The following RRP36 variants were observed in gnomAD, a reference collection of about 807,000 sequenced individuals.
RRP36 encodes the protein ribosomal RNA processing protein 36 homolog.
A neutral mutation model predicts 39.8 loss-of-function variants in RRP36; 44 were observed. The observed-to-expected ratio is 1.10, with a 90% CI of 0.87 to 1.42. The LOEUF (loss-of-function observed/expected upper bound fraction) is 1.42, where lower values mean the gene tolerates loss of function less well. RRP36 is among the 40% of genes most tolerant of loss of function. The probability of loss-of-function intolerance (pLI) is 0.00; values close to 1 mark genes in which losing one functional copy is unlikely to be tolerated. For missense variants in RRP36, 316 were observed against 322.4 expected (o/e 0.98, Z 0.15); for synonymous variants, 124 against 123.1 (o/e 1.01, Z -0.05).
chr6:43,025,237 T>C, intron 2 of RRP36, 26 bp from the exon 3 acceptor site: 1 of 1,614,032 alleles, frequency 6.2e-7, no homozygotes, highest in Non-Finnish European at 8.5e-7. Context: ...GGAGTCCTCT[T>C]GACTTGGCTT....
intron 4 of RRP36, 46 bp from the exon 5 acceptor site, chr6:43,027,132 A>G (rs778560319): frequency 1.2e-5 from 18 of 1,555,724 alleles, no homozygotes; most frequent in Non-Finnish European, 1.5e-5. Flanking sequence ...AATTTCAGCT[A>G]ACATTTGCAG....
At chr6:43,026,528 C>G (rs1367522920) in intron 4 of RRP36, among the ~76,000 whole-genome samples, 2 of 150,988 alleles carry the variant, frequency 1.3e-5, no homozygotes, top group African/African-American at 2.4e-5. Flanking sequence ...GAAAAATTAG[C>G]CAAGTGTGGT....
intron 4 of RRP36, 77 bp from the exon 5 acceptor site, chr6:43,027,101 T>C (rs761728779): frequency 7.5e-7 from 1 of 1,329,624 alleles, no homozygotes; most frequent in South Asian, 1.2e-5. Context: ...TGTGAACTTC[T>C]TAGGATAATG....
intron 6 of RRP36, 23 bp from the exon 7 acceptor site, chr6:43,029,069 C>G (rs761576044): frequency 1.9e-6 from 3 of 1,613,010 alleles, no homozygotes; most frequent in South Asian, 2.2e-5. Context: ...TGTTCACCAA[C>G]TTTCATTCTC....
intron 4 of RRP36, 69 bp from the exon 5 acceptor site, chr6:43,027,109 A>C: frequency 7.2e-7 from 1 of 1,396,116 alleles, no homozygotes; most frequent in South Asian, 1.2e-5. Flanking sequence ...TCTTAGGATA[A>C]TGCTTTACAT....
At position 43,021,624 on chromosome 6, in the gene RRP36, C is replaced by T. The variant is rs533536697; in HGVS notation, c.-31C>T. On this transcript the variant is annotated 5_prime_UTR_variant, in exon 1 of 7. Transcript: ENST00000244496. ...GGGGCTGCCGTGAGCGGAAGCGGCGCCATTCGTCTTCCGAGCGCTACTGCC... is the reference window on the plus strand; with the variant it reads ...GGGGCTGCCGTGAGCGGAAGCGGCGTCATTCGTCTTCCGAGCGCTACTGCC... 2 of 1,283,492 alleles carry T rather than the reference C, an allele frequency of 1.6e-6. No homozygotes were observed. The highest frequency in any genetic ancestry group is 2.9e-5 in the East Asian group (1 of 34,696). The allele number at this position is 1,283,492 out of a possible 1,614,324, so 79.5% of individuals were successfully genotyped here.
chr6:43,025,212 C>G, intron 2 of RRP36, 51 bp from the exon 3 acceptor site: 3 of 1,612,408 alleles, frequency 1.9e-6, no homozygotes, highest in Non-Finnish European at 2.5e-6. Flanking sequence ...AGGTGGGAAG[C>G]CTTTGACCAA....
chr6:43,027,296 G>T lies in RRP36; in HGVS notation c.525+44G>T, dbSNP rs377497823. ...TGGTGGGTAATGAAAGCAATTAAAGGTGGGAGATATTCACAGATCTGAACA... is the reference window on the plus strand; with the variant it reads ...TGGTGGGTAATGAAAGCAATTAAAGTTGGGAGATATTCACAGATCTGAACA... On this transcript the variant is annotated intron_variant, in intron 5 of 6. Transcript: ENST00000244496. The T allele has an allele frequency of 6.1e-5, 98 of 1,611,300 alleles. 1 individual carries two copies. Among genetic ancestry groups the T allele is most frequent in the Non-Finnish European group, 7.6e-5 (89 of 1,177,554 alleles).
At position 43,021,733 on chromosome 6, in the gene RRP36, G is replaced by T; in HGVS notation, c.79G>T (p.Glu27Ter). Residue 27 changes from glutamate (E) to a stop codon, truncating the protein, a stop_gained, in exon 1 of 7, where the codon GAG (glutamate) becomes TAG (stop). Transcript: ENST00000244496. LOFTEE classifies it high-confidence loss of function. ...TCCCCGCGGGGCCCGGGACCGCGAG[G>T]AGGACGGCGGGGGCCTGGAGCCCGC... ...RRPRGARDRE[E>*]DGGGLEPAAV... 1 of 1,228,444 alleles carries T rather than the reference G, an allele frequency of 8.1e-7. No individual in the cohort carries two copies. Among genetic ancestry groups the T allele is most frequent in the South Asian group, 4.1e-5 (1 of 24,412 alleles). 76.1% of individuals were successfully genotyped at this position (1,228,444 alleles called of 1,614,324 possible).
In RRP36 at chr6:43,027,346, T is replaced by C; in HGVS notation, c.526-14T>C. The C allele has an allele frequency of 6.2e-7, 1 of 1,614,046 alleles. No homozygotes were observed. The highest frequency in any genetic ancestry group is 8.5e-7 in the Non-Finnish European group (1 of 1,179,904). On this transcript the variant is annotated splice_polypyrimidine_tract_variant and intron_variant, in intron 5 of 6. Transcript: ENST00000244496. Reference sequence around the variant, plus strand: ...AGATCCCTCCCGTTCACCCATCTCATCTTTGCTCCTCAGGAGCAGCAAGAA... The same window carrying C: ...AGATCCCTCCCGTTCACCCATCTCACCTTTGCTCCTCAGGAGCAGCAAGAA...
At chr6:43,022,320 G>C (rs921074798) in intron 1 of RRP36, among the ~76,000 whole-genome samples, 1 of 151,190 alleles carries the variant, frequency 6.6e-6, no homozygotes, top group South Asian at 2.1e-4. Context: ...GGATGGTCTC[G>C]ATCTCCTGAC....
At chr6:43,021,958 T>G (rs1445689109) in intron 1 of RRP36, among the ~76,000 whole-genome samples, 174 bp downstream of exon 1, 4 of 151,970 alleles carry the variant, frequency 2.6e-5, no homozygotes, top group Non-Finnish European at 2.9e-5. Context: ...CTTCCGGGAT[T>G]AGGACATCCT....
rs1223947569 is a variant in RRP36 at position 43,025,759 on chromosome 6, G to A, written c.346-278G>A. 5.9e-5 allele frequency among the ~76,000 whole-genome samples: 9 copies of A among 151,568 alleles called. No individual in the cohort carries two copies. The East Asian group carries it at 1.2e-3, about 20-fold the overall frequency. ...ATCCTAGCTAACACAGTGAAACCCC[G>A]TCTCTACTAAAAATACAAAAAAAAA... On this transcript the variant is annotated intron_variant, in intron 3 of 6. Transcript: ENST00000244496.
chr6:43,026,216 G>A (rs374563202), intron 4 of RRP36, 75 bp downstream of exon 4: 3 of 1,010,298 alleles, frequency 3.0e-6, no homozygotes, highest in African/African-American at 1.6e-5. Flanking sequence ...GAGTTGGGCA[G>A]GGGGAGTGGG....
At chr6:43,028,714 G>C (rs1762861129) in intron 6 of RRP36, among the ~76,000 whole-genome samples, 1 of 151,894 alleles carries the variant, frequency 6.6e-6, no homozygotes, top group African/African-American at 2.4e-5. Context: ...ACTTTGGGAG[G>C]CTGAGGAGAG....
Position 43,025,049 on chromosome 6 carries a change from C to T in RRP36, c.195C>T (p.Tyr65=). The stretch of plus-strand genomic sequence containing the variant: ...AGAGCCAAGTGGGGACTAAGACGTA[C>T]AAACAATTGGTAGCTGGAAATAGTC... ...ELQSQVGTKT[Y]KQLVAGNSPK... Residue 65 remains tyrosine, a synonymous_variant, in exon 2 of 7, where the codon TAC becomes TAT. Coordinates refer to ENST00000244496, the MANE Select transcript of RRP36 (RefSeq NM_033112.4). The T allele has an allele frequency of 6.2e-7, 1 of 1,614,168 alleles. No individual in the cohort carries two copies.
Position 43,024,982 on chromosome 6 carries a change from C to T in RRP36, c.131-3C>T. On this transcript the variant is annotated splice_region_variant and splice_polypyrimidine_tract_variant and intron_variant, in intron 1 of 6. Transcript: ENST00000244496. ...AGTTGTATGTCCCTCCCCACTTCCA[C>T]AGGCACATCTAACATGTCATTTGAG... is the stretch of plus-strand genomic sequence containing the variant. The T allele has an allele frequency of 6.2e-7, 1 of 1,613,650 alleles. No individual in the cohort carries two copies. The highest frequency in any genetic ancestry group is 8.5e-7 in the Non-Finnish European group (1 of 1,180,036).
chr6:43,027,137 T>C, intron 4 of RRP36, 41 bp from the exon 5 acceptor site: 3 of 1,577,494 alleles, frequency 1.9e-6, no homozygotes, highest in Non-Finnish European at 2.6e-6. Flanking sequence ...CAGCTAACAT[T>C]TGCAGAATGC....
intron 1 of RRP36, 43 bp from the exon 2 acceptor site, chr6:43,024,942 G>C: frequency 6.2e-7 from 1 of 1,607,872 alleles, no homozygotes; most frequent in Non-Finnish European, 8.5e-7. Context: ...TTCTGCAGTG[G>C]GACATGCTGA....
Sources: allele counts gnomAD v4.1 joint callset (sites outside exome capture counted in the v4.1 genomes callset), GRCh38; gene constraint gnomAD v4.1.1; transcripts MANE v1.5; gene names NCBI Gene and HGNC (gene_info 2026-07-23, HGNC 2026-07-21).